The following SLC26A11 variants were observed in gnomAD, a reference collection of about 807,000 sequenced individuals.
SLC26A11 encodes the protein sodium-independent sulfate anion transporter.
Under a neutral mutation model 62.2 loss-of-function variants are expected in SLC26A11, and 58 were observed. That is an observed-to-expected ratio of 0.93 (90% CI 0.76 to 1.16). The LOEUF (loss-of-function observed/expected upper bound fraction) is 1.16. Among genes scored for constraint, SLC26A11 ranks in the 50% most tolerant of loss-of-function variants. The pLI is 0.00. For synonymous variants in SLC26A11, 411 were observed against 368.9 expected, an observed-to-expected ratio of 1.11 and a Z score of -1.31; for missense variants, 790 against 794.3, an observed-to-expected ratio of 0.99 and a Z score of 0.06.
At position 80,236,234 on chromosome 17, in the gene SLC26A11, C is replaced by G. The variant is rs112525420; in HGVS notation, c.737-694C>G. ...TTGGGTCATTTTCGCCCAGCTTTGC[C>G]TCGACCAGTTCTCTGCTGCACATCC... On this transcript the variant is annotated intron_variant, in intron 7 of 17. Transcript: ENST00000361193. Among the ~76,000 whole-genome samples, 320 of 152,334 alleles carry G rather than the reference C, an allele frequency of 2.1e-3. 2 individuals carry two copies. Among genetic ancestry groups the G allele is most frequent in the African/African-American group, 7.5e-3 (310 of 41,570 alleles).
intron 7 of SLC26A11, among the ~76,000 whole-genome samples, chr17:80,236,287 T>C (rs2042688553): frequency 6.6e-6 from 1 of 152,246 alleles, no homozygotes; most frequent in Admixed American, 6.5e-5. Flanking sequence ...TCTCTGCAGC[T>C]CTGTCTCCGG....
chr17:80,226,875 TG>T (rs906746591), intron 6 of SLC26A11, among the ~76,000 whole-genome samples: 8 of 151,206 alleles, frequency 5.3e-5, no homozygotes, highest in Non-Finnish European at 8.8e-5. Flanking sequence ...CTGGAGGGAG[TG>T]GGGGCGATCC....
chr17:80,234,608 C>G (rs2042644640), intron 7 of SLC26A11, among the ~76,000 whole-genome samples: 1 of 152,130 alleles, frequency 6.6e-6, no homozygotes, highest in African/African-American at 2.4e-5. Flanking sequence ...TCCCCCTATG[C>G]GATTCCACAG....
chr17:80,239,158 C>T (rs2042789758), intron 9 of SLC26A11, among the ~76,000 whole-genome samples: 1 of 151,344 alleles, frequency 6.6e-6, no homozygotes, highest in African/African-American at 2.4e-5. Flanking sequence ...TGGCTCACCG[C>T]AACCTCCGCC....
intron 8 of SLC26A11, 195 bp downstream of exon 8, chr17:80,237,298 T>G (rs772977393): frequency 6.3e-6 from 5 of 796,290 alleles, no homozygotes; most frequent in Non-Finnish European, 9.7e-6. Context: ...GATGTCACGT[T>G]TGTGTTCAGG....
At chr17:80,240,747 G>A (rs748792395) in intron 9 of SLC26A11, among the ~76,000 whole-genome samples, 3 of 151,972 alleles carry the variant, frequency 2.0e-5, no homozygotes, top group African/African-American at 7.3e-5. Flanking sequence ...AGGTTGCGGT[G>A]AGCCAAGATC....
At position 80,248,238 on chromosome 17, in the gene SLC26A11, C is replaced by A. The variant is rs1286119973; in HGVS notation, c.1403C>A (p.Ala468Glu). The change falls in exon 14 of 18, where the codon GCA becomes GAA. Residue 468 changes from alanine (A) to glutamate (E), a missense_variant. Transcript: ENST00000361193. ...TCTCTGCTCATGCTCCTGCACTCTG[C>A]AGCCAGGCCTGAGACCAAGGTACCC... ...LVSLLMLLHS[A>E]ARPETKVSEG... 1 of 1,609,092 alleles carries A rather than the reference C, an allele frequency of 6.2e-7. No individual in the cohort carries two copies. Among genetic ancestry groups the A allele is most frequent in the Admixed American group, 1.7e-5 (1 of 59,800 alleles).
At position 80,225,747 on chromosome 17, in the gene SLC26A11, T is replaced by G. The variant is rs2042389922; in HGVS notation, c.514-90T>G. The G allele has an allele frequency of 8.6e-6, 10 of 1,158,690 alleles. No individual in the cohort carries two copies. The Admixed American group carries it at 1.6e-4, about 18-fold the overall frequency. 71.8% of individuals were successfully genotyped at this position (1,158,690 alleles called of 1,614,324 possible). A position where few individuals can be genotyped will look rare whatever the true frequency, so the allele number is the denominator to read the frequency against. ...GGGAGCAGGGCCGGGGGACACTGTCTCAGCCCTAGGGGAGGTGGGCGGGGA... is the reference window on the plus strand; with the variant it reads ...GGGAGCAGGGCCGGGGGACACTGTCGCAGCCCTAGGGGAGGTGGGCGGGGA... On this transcript the variant is annotated intron_variant, in intron 5 of 17. Coordinates refer to ENST00000361193, the MANE Select transcript of SLC26A11 (RefSeq NM_001166347.2).
chr17:80,225,400 A>G (rs1444629931), intron 5 of SLC26A11, among the ~76,000 whole-genome samples: 1 of 152,078 alleles, frequency 6.6e-6, no homozygotes, highest in Non-Finnish European at 1.5e-5. Flanking sequence ...CGGGGCACCT[A>G]GTGAGGGAGA....
Position 80,249,373 on chromosome 17 carries a change from TG to T in SLC26A11, c.1656+89del, listed in dbSNP as rs2043099320. 3 of 1,532,268 alleles carry T rather than the reference TG, an allele frequency of 2.0e-6. No homozygotes were observed. In the South Asian group the frequency reaches 3.5e-5, roughly 18 times the overall value. The allele number at this position is 1,532,268 out of a possible 1,614,324, so 94.9% of individuals were successfully genotyped here. ...CCTCCCATGGCGAATGTGACATCTC[TG>T]GGCTGTGATGCTGGACGGCCCTTCG... On this transcript the variant is annotated intron_variant, in intron 16 of 17. Transcript: ENST00000361193.
Position 80,228,141 on chromosome 17 carries a change from A to T in SLC26A11, c.736+181A>T, listed in dbSNP as rs568924920. On this transcript the variant is annotated intron_variant, in intron 7 of 17. Transcript: ENST00000361193. This position sits in a 1 kb window ranked among gnomAD's most constrained non-coding sequence, Gnocchi z 4.1. ...TACTTTTTATTTAATTAATTAATTAATTATTTTTTGAGACAGAGTTTCGCT... is the reference window on the plus strand; with the variant it reads ...TACTTTTTATTTAATTAATTAATTATTTATTTTTTGAGACAGAGTTTCGCT... Among the ~76,000 whole-genome samples, 9 of 152,164 alleles carry T rather than the reference A, an allele frequency of 5.9e-5. No individual in the cohort carries two copies. The highest frequency in any genetic ancestry group is 2.1e-4 in the South Asian group (1 of 4,816).
rs1295655654 is a variant in SLC26A11 at position 80,222,643 on chromosome 17, C to G, written c.235-12C>G. 1 of 1,611,908 alleles carries G rather than the reference C, an allele frequency of 6.2e-7. No homozygotes were observed. Among genetic ancestry groups the G allele is most frequent in the Non-Finnish European group, 8.5e-7 (1 of 1,178,542 alleles). On this transcript the variant is annotated splice_polypyrimidine_tract_variant and intron_variant, in intron 3 of 17. Coordinates refer to ENST00000361193, the MANE Select transcript of SLC26A11 (RefSeq NM_001166347.2). This position sits in a 1 kb window ranked among gnomAD's most constrained non-coding sequence, Gnocchi z 4.7. ...CGGCCTCCTGAGTGCTCACCACCCT[C>G]TCTCCCCACAGTATGGCCTCTACTC...
intron 16 of SLC26A11, among the ~76,000 whole-genome samples, chr17:80,250,319 A>T (rs572248179): frequency 3.3e-5 from 5 of 152,172 alleles, no homozygotes; most frequent in African/African-American, 9.7e-5. Context: ...AGTTTCCTTC[A>T]TTCCCAACCT....
At chr17:80,229,999 T>C (rs2042518839) in intron 7 of SLC26A11, among the ~76,000 whole-genome samples, 1 of 151,316 alleles carries the variant, frequency 6.6e-6, no homozygotes, top group Non-Finnish European at 1.5e-5. Flanking sequence ...AGGTCAGGAG[T>C]TTGAAACCAG....
chr17:80,224,457 GA>G (rs2042345988), intron 5 of SLC26A11, among the ~76,000 whole-genome samples: 1 of 125,678 alleles, frequency 8.0e-6, no homozygotes, highest in Non-Finnish European at 1.8e-5. Context: ...GTGAGTGTGA[GA>G]GTGTGAGTGT....
In SLC26A11 at chr17:80,246,027, G is replaced by A; in HGVS notation, c.1098-127G>A. 2 of 1,159,090 alleles carry A rather than the reference G, an allele frequency of 1.7e-6. No individual in the cohort carries two copies. 71.8% of individuals were successfully genotyped at this position (1,159,090 alleles called of 1,614,324 possible). ...GTCTCTTTGCCTCGGTCCCCTTGCAGTCCCCGCCTGCTTCCCAAGCCGTGC... is the reference window on the plus strand; with the variant it reads ...GTCTCTTTGCCTCGGTCCCCTTGCAATCCCCGCCTGCTTCCCAAGCCGTGC... On this transcript the variant is annotated intron_variant, in intron 11 of 17. Coordinates refer to ENST00000361193, the MANE Select transcript of SLC26A11 (RefSeq NM_001166347.2). This position sits in a 1 kb window ranked among gnomAD's most constrained non-coding sequence, Gnocchi z 4.4.
At chr17:80,250,252 A>T (rs1228772736) in intron 16 of SLC26A11, among the ~76,000 whole-genome samples, 1 of 152,198 alleles carries the variant, frequency 6.6e-6, no homozygotes, top group African/African-American at 2.4e-5. Flanking sequence ...TAGCCATGGA[A>T]CAGGAGGCCA....
At position 80,245,056 on chromosome 17, in the gene SLC26A11, G is replaced by C. The variant is rs1465536832; in HGVS notation, c.1037-140G>C. On this transcript the variant is annotated intron_variant, in intron 10 of 17. Coordinates refer to ENST00000361193, the MANE Select transcript of SLC26A11 (RefSeq NM_001166347.2). ...TTTTCTTCCTTCCCTGAAGGAGTGC[G>C]TAGGCCCAGGCCCCCAGGATGATTC... 4.9e-5 allele frequency: 34 copies of C among 687,332 alleles called. No homozygotes were observed. The East Asian group carries it at 9.1e-4, about 18-fold the overall frequency. The allele number at this position is 687,332 out of a possible 1,614,324, so 42.6% of individuals were successfully genotyped here.
At position 80,228,167 on chromosome 17, in the gene SLC26A11, C is replaced by T. The variant is rs2042464685; in HGVS notation, c.736+207C>T. Reference sequence around the variant, plus strand: ...TTATTTTTTGAGACAGAGTTTCGCTCTGTCGCCCAGGCTGGAGTACAGTGG... The same window carrying T: ...TTATTTTTTGAGACAGAGTTTCGCTTTGTCGCCCAGGCTGGAGTACAGTGG... On this transcript the variant is annotated intron_variant, in intron 7 of 17. Transcript: ENST00000361193. The surrounding 1 kb of genome is among the most constrained non-coding windows in gnomAD (Gnocchi z 4.1). 6.6e-6 allele frequency among the ~76,000 whole-genome samples: 1 copy of T among 152,188 alleles called. No individual in the cohort carries two copies. Among genetic ancestry groups the T allele is most frequent in the Non-Finnish European group, 1.5e-5 (1 of 68,038 alleles).
Sources: allele counts gnomAD v4.1 joint callset (sites outside exome capture counted in the v4.1 genomes callset), GRCh38; gene constraint gnomAD v4.1.1; non-coding constraint Gnocchi (gnomAD v3.1); transcripts MANE v1.5; gene names NCBI Gene and HGNC (gene_info 2026-07-23, HGNC 2026-07-21).